The following PLCH1 variants were observed in gnomAD, a reference collection of about 807,000 sequenced individuals.
The protein encoded by PLCH1 is phospholipase C eta 1.
Under a neutral mutation model 126.7 loss-of-function variants are expected in PLCH1, and 60 were observed. That is an observed-to-expected ratio of 0.47 (90% CI 0.38 to 0.59). PLCH1 has a LOEUF of 0.59. Among genes scored for constraint, PLCH1 ranks in the 20% least tolerant of loss-of-function variants. The pLI is 0.00. For missense variants in PLCH1, 1,723 were observed against 2,040.0 expected, an observed-to-expected ratio of 0.84 and a Z score of 2.99; for synonymous variants, 719 against 734.9, an observed-to-expected ratio of 0.98 and a Z score of 0.35.
intron 21 of PLCH1, among the ~76,000 whole-genome samples, chr3:155,454,122 C>T (rs1289746631): frequency 6.6e-6 from 1 of 152,120 alleles, no homozygotes; most frequent in Non-Finnish European, 1.5e-5. Flanking sequence ...TAATTAAGAA[C>T]TTTATGTATT....
chr3:155,652,622 A>T (rs1209754264), intron 2 of PLCH1, among the ~76,000 whole-genome samples: 1 of 152,202 alleles, frequency 6.6e-6, no homozygotes, highest in East Asian at 1.9e-4. Context: ...TGCTTATTAC[A>T]TGCAGGAAGA....
chr3:155,743,326 G>A, intron 1 of PLCH1: 2 of 422,516 alleles, frequency 4.7e-6, no homozygotes, highest in Non-Finnish European at 4.6e-6. Context: ...GAGGTCAGGA[G>A]TTCCAGACCA....
At chr3:155,568,488 G>A (rs73154261) in intron 6 of PLCH1, among the ~76,000 whole-genome samples, 164 bp from the exon 7 acceptor site, 8,713 of 152,192 alleles carry the variant, frequency 0.057, 281 homozygotes, top group Middle Eastern at 0.1. Context: ...TTTGGAGAAT[G>A]ACCATGATTC....
intron 10 of PLCH1, among the ~76,000 whole-genome samples, chr3:155,541,578 T>C (rs1421069932): frequency 2.0e-5 from 3 of 152,026 alleles, no homozygotes; most frequent in Admixed American, 2.0e-4. Flanking sequence ...ACAACACTTA[T>C]CAATTAAGTT....
chr3:155,716,826 A>G (rs1301750367), intron 1 of PLCH1, among the ~76,000 whole-genome samples: 1 of 152,216 alleles, frequency 6.6e-6, no homozygotes, highest in Admixed American at 6.5e-5. Context: ...TTATATTGCA[A>G]AATACAATAA....
At chr3:155,635,417 G>T (rs1452211526) in intron 2 of PLCH1, among the ~76,000 whole-genome samples, 1 of 152,154 alleles carries the variant, frequency 6.6e-6, no homozygotes, top group Non-Finnish European at 1.5e-5. Flanking sequence ...GCCTCCAATG[G>T]TTACTGATGA....
chr3:155,739,756 T>A (rs1464105442), intron 1 of PLCH1, among the ~76,000 whole-genome samples: 3 of 152,258 alleles, frequency 2.0e-5, no homozygotes, highest in Non-Finnish European at 4.4e-5. Flanking sequence ...CACGTTCGTC[T>A]GTCCCATGTT....
intron 6 of PLCH1, among the ~76,000 whole-genome samples, chr3:155,571,342 C>T (rs1156943866): frequency 6.6e-6 from 1 of 152,214 alleles, no homozygotes; most frequent in East Asian, 1.9e-4. Flanking sequence ...AGAAGTCCCC[C>T]GCCTATACCC....
At chr3:155,732,007 A>G (rs908212254) in intron 1 of PLCH1, among the ~76,000 whole-genome samples, 7 of 149,636 alleles carry the variant, frequency 4.7e-5, no homozygotes, top group Non-Finnish European at 8.9e-5. Context: ...AAAAAAAAAA[A>G]GTCAGGGAAA....
rs369423283 is a variant in PLCH1, at chr3:155,458,558, A to AAGAAAG, written c.2938+26797_2938+26798insCTTTCT. Among the ~76,000 whole-genome samples the AAGAAAG allele has an allele frequency of 1.2e-3, 157 of 128,382 alleles. 3 individuals carry two copies. The highest frequency in any genetic ancestry group is 4.9e-3 in the African/African-American group (151 of 30,738). 84.2% of individuals were successfully genotyped at this position (128,382 alleles called of 152,430 possible). A position where few individuals can be genotyped will look rare whatever the true frequency, so the allele number is the denominator to read the frequency against. On this transcript the variant is annotated intron_variant, in intron 21 of 21. Coordinates refer to the PLCH1 transcript ENST00000494598. Reference sequence around the variant, plus strand: ...AGAAAAAGAAAAAGAAAGAAAGAGAAAAAGAAAGAAAGAAAGAAAGAAAGG... The same window carrying AAGAAAG: ...AGAAAAAGAAAAAGAAAGAAAGAGAAAGAAAGAAAGAAAGAAAGAAAGAAAGAAAGG...
intron 2 of PLCH1, among the ~76,000 whole-genome samples, chr3:155,612,940 A>G (rs1279356741): frequency 4.0e-5 from 6 of 150,010 alleles, no homozygotes; most frequent in African/African-American, 1.5e-4. Flanking sequence ...AGATCCAAAT[A>G]AGCTCAATTA....
intron 6 of PLCH1, among the ~76,000 whole-genome samples, chr3:155,582,782 T>C (rs1044997072): frequency 1.9e-4 from 29 of 152,184 alleles, no homozygotes; most frequent in African/African-American, 2.4e-4. Flanking sequence ...AAAACATTCA[T>C]TTATTCCTCT....
chr3:155,721,647 G>A (rs180983508), intron 1 of PLCH1, among the ~76,000 whole-genome samples: 25 of 152,102 alleles, frequency 1.6e-4, no homozygotes, highest in Admixed American at 1.3e-3. Flanking sequence ...TCATATCATC[G>A]GCAAAAAACC....
intron 10 of PLCH1, among the ~76,000 whole-genome samples, chr3:155,542,729 C>T (rs146424262): frequency 0.024 from 3,596 of 152,300 alleles, 99 homozygotes; most frequent in African/African-American, 0.066. Context: ...TTGCGGTTCA[C>T]GAAAATCTGC....
chr3:155,491,643 G>C (rs1381604730), intron 18 of PLCH1, among the ~76,000 whole-genome samples: 1 of 152,156 alleles, frequency 6.6e-6, no homozygotes, highest in Non-Finnish European at 1.5e-5. Flanking sequence ...GAGCAAGCCA[G>C]ACATAAAAGA....
intron 6 of PLCH1, among the ~76,000 whole-genome samples, chr3:155,578,902 A>G (rs1301690905): frequency 2.0e-5 from 3 of 152,176 alleles, no homozygotes; most frequent in Admixed American, 2.0e-4. Context: ...GACCCTCATT[A>G]AAGTGACCAT....
chr3:155,613,810 A>C (rs1287583133), intron 2 of PLCH1, among the ~76,000 whole-genome samples: 1 of 109,920 alleles, frequency 9.1e-6, no homozygotes, highest in Non-Finnish European at 1.7e-5. Flanking sequence ...CAGAGCAATC[A>C]AACGAGAAAA....
At chr3:155,636,015 A>G (rs1251785841) in intron 2 of PLCH1, among the ~76,000 whole-genome samples, 1 of 152,230 alleles carries the variant, frequency 6.6e-6, no homozygotes, top group Non-Finnish European at 1.5e-5. Context: ...GCATAGGTTG[A>G]CAGATGGCTG....
In PLCH1 at chr3:155,481,629, T is replaced by C. The variant is rs753590715; in HGVS notation, c.4397A>G (p.Lys1466Arg). ...AGGCAAAGGAAGATGTGCCAACTGC[T>C]TGGGTACAGGGACATGCATATCTTG... ...SAQDMHVPVP[K>R]QLAHLPLPAL... Residue 1466 changes from lysine to arginine, a missense_variant, in exon 23 of 23, where the codon AAG becomes AGG. Physicochemically the swap from Lys to Arg is conservative, Grantham distance 26. Coordinates refer to ENST00000460012, the MANE Select transcript of PLCH1 (RefSeq NM_014996.4). This position sits in a 1 kb window ranked among gnomAD's most constrained non-coding sequence, Gnocchi z 4.2. The C allele has an allele frequency of 1.9e-6, 3 of 1,614,166 alleles. No homozygotes were observed. The highest frequency in any genetic ancestry group is 1.3e-5 in the African/African-American group (1 of 75,052).
Sources: gnomAD v4.1 joint callset for allele counts (sites outside exome capture counted in the v4.1 genomes callset) on GRCh38, gnomAD v4.1.1 for gene constraint, Gnocchi (gnomAD v3.1) non-coding constraint, MANE v1.5 for transcripts, NCBI Gene and HGNC (gene_info 2026-07-23, HGNC 2026-07-21) for gene names.